The following EEA1 variants were observed in gnomAD, a reference collection of about 807,000 sequenced individuals.
The protein encoded by EEA1 is early endosome antigen 1, also known as early endosome antigen 1, 162kD.
In EEA1, 111 loss-of-function variants were observed where a neutral mutation model predicts 209.2. The ratio of observed to expected loss-of-function variants is 0.53; its 90% CI spans 0.45 to 0.62. EEA1 has a LOEUF of 0.62. Among genes scored for constraint, EEA1 ranks in the 20% least tolerant of loss-of-function variants. The pLI is 0.00. For synonymous variants in EEA1, 536 were observed against 540.6 expected (o/e 0.99, Z 0.12); for missense variants, 1,343 against 1,530.8 (o/e 0.88, Z 2.05).
At chr12:92,794,492 G>A (rs1257468563) in intron 21 of EEA1, among the ~76,000 whole-genome samples, 6 of 151,950 alleles carry the variant, frequency 3.9e-5, no homozygotes, top group African/African-American at 1.2e-4. Context: ...AATGTCCATC[G>A]ATGATAGACT....
intron 21 of EEA1, among the ~76,000 whole-genome samples, chr12:92,788,370 C>G (rs539534608): frequency 2.6e-5 from 4 of 151,620 alleles, no homozygotes; most frequent in African/African-American, 9.7e-5. Context: ...TGCTAGATGC[C>G]TCAGCTGACG....
intron 10 of EEA1, among the ~76,000 whole-genome samples, chr12:92,841,984 G>A (rs1448151199): frequency 6.6e-6 from 1 of 152,102 alleles, no homozygotes; most frequent in African/African-American, 2.4e-5. Flanking sequence ...GCAGATGAAT[G>A]AATAACATAT....
At chr12:92,896,035 G>C (rs1395270361) in intron 1 of EEA1, among the ~76,000 whole-genome samples, 1 of 150,928 alleles carries the variant, frequency 6.6e-6, no homozygotes, top group Non-Finnish European at 1.5e-5. Context: ...GTGCAGTGGT[G>C]TGATCTCAGC....
At chr12:92,891,808 A>T in intron 1 of EEA1, 87 bp from the exon 2 acceptor site, 3 of 906,884 alleles carry the variant, frequency 3.3e-6, no homozygotes, top group Non-Finnish European at 5.1e-6. Context: ...AAACCTTTTC[A>T]CATAAGAAAA....
intron 3 of EEA1, chr12:92,858,861 T>C: frequency 1.4e-6 from 1 of 732,886 alleles, no homozygotes; most frequent in Non-Finnish European, 2.5e-6. Context: ...GGGGTGATGC[T>C]GGTTTGTATG....
At chr12:92,865,094 C>CA (rs1878318263) in intron 2 of EEA1, 107 bp from the exon 3 acceptor site, 1 of 834,886 alleles carries the variant, frequency 1.2e-6, no homozygotes, top group Admixed American at 3.9e-5. Flanking sequence ...CCAATGGTGC[C>CA]ATTAGGTAAA....
At chr12:92,776,383 G>A (rs1352055500) in intron 28 of EEA1, among the ~76,000 whole-genome samples, 2 of 151,718 alleles carry the variant, frequency 1.3e-5, no homozygotes, top group Admixed American at 6.6e-5. Context: ...AAGAACCAGA[G>A]GAGGCATTTA....
intron 26 of EEA1, 110 bp downstream of exon 26, chr12:92,777,831 G>A: frequency 7.9e-7 from 1 of 1,264,242 alleles, no homozygotes; most frequent in South Asian, 1.5e-5. Context: ...AATACCTATA[G>A]AGGCTTATGC....
chr12:92,778,198 TG>T lies in EEA1; in HGVS notation c.3655-20del. On this transcript the variant is annotated intron_variant, in intron 25 of 28. Transcript: ENST00000322349. ...CGGAATGCTGAAAAAAAGGAAAAGT[TG>T]GGGGGAAATCTATTACAAAAGTAGT... 1 of 1,587,430 alleles carries T rather than the reference TG, an allele frequency of 6.3e-7. No individual in the cohort carries two copies. The highest frequency in any genetic ancestry group is 8.6e-7 in the Non-Finnish European group (1 of 1,159,816).
At position 92,800,281 on chromosome 12, in the gene EEA1, TTAC is replaced by T. The variant is rs373438733; in HGVS notation, c.2773-1198_2773-1196del. ...CTCATTTAGAGATCTGGGGCATATT[TTAC>T]TACTACCTTGTTTGTACAATCCACT... On this transcript the variant is annotated intron_variant, in intron 20 of 28. Transcript: ENST00000322349. 3.8e-3 allele frequency among the ~76,000 whole-genome samples: 579 copies of T among 152,300 alleles called. 5 individuals carry two copies. The highest frequency in any genetic ancestry group is 0.017 in the Middle Eastern group (5 of 294).
At chr12:92,836,845 G>A (rs528931387) in intron 10 of EEA1, among the ~76,000 whole-genome samples, 16 of 151,998 alleles carry the variant, frequency 1.1e-4, no homozygotes, top group Admixed American at 7.9e-4. Context: ...ACAACCAGCC[G>A]GGTGCAGTGG....
chr12:92,780,417 GA>G lies in EEA1; in HGVS notation c.3337-7del. On this transcript the variant is annotated splice_polypyrimidine_tract_variant and splice_region_variant and intron_variant, in intron 23 of 28. Coordinates refer to ENST00000322349, the MANE Select transcript of EEA1 (RefSeq NM_003566.4). ...AGTTCTTTTTCTTTCAGTGACTGTA[GA>G]AAAATGATATATTTTAAAATTATTT... is the stretch of plus-strand genomic sequence containing the variant. 6.8e-7 allele frequency: 1 copy of G among 1,481,126 alleles called. No individual in the cohort carries two copies. Among genetic ancestry groups the G allele is most frequent in the Admixed American group, 2.4e-5 (1 of 42,498 alleles). 91.7% of individuals were successfully genotyped at this position (1,481,126 alleles called of 1,614,324 possible). A position where few individuals can be genotyped will look rare whatever the true frequency, so the allele number is the denominator to read the frequency against.
chr12:92,795,966 T>C (rs1022226021), intron 21 of EEA1, among the ~76,000 whole-genome samples: 1 of 152,190 alleles, frequency 6.6e-6, no homozygotes, highest in African/African-American at 2.4e-5. Context: ...GGGCTTTCAA[T>C]ATTTTTCCTT....
At chr12:92,864,585 A>G (rs1352843290) in intron 3 of EEA1, among the ~76,000 whole-genome samples, 1 of 152,206 alleles carries the variant, frequency 6.6e-6, no homozygotes, top group Non-Finnish European at 1.5e-5. Flanking sequence ...TATTACACAC[A>G]ATATGCTAAA....
chr12:92,797,641 T>C (rs1033879165), intron 21 of EEA1, among the ~76,000 whole-genome samples: 2 of 152,220 alleles, frequency 1.3e-5, no homozygotes, highest in Admixed American at 6.5e-5. Context: ...TTTGTAAATA[T>C]TTGGATACAA....
At chr12:92,844,741 T>C (rs1201709664) in intron 9 of EEA1, among the ~76,000 whole-genome samples, 1 of 152,070 alleles carries the variant, frequency 6.6e-6, no homozygotes, top group Non-Finnish European at 1.5e-5. Context: ...AATATCACAT[T>C]TAAATCCCTA....
chr12:92,813,289 T>C (rs1442035999), intron 15 of EEA1, among the ~76,000 whole-genome samples, 196 bp from the exon 16 acceptor site: 1 of 152,174 alleles, frequency 6.6e-6, no homozygotes, highest in Admixed American at 6.6e-5. Context: ...CTCCTAATAA[T>C]GCTGGATAAA....
rs1341095268 is a variant in EEA1, at chr12:92,929,124, T to TCA, written c.-60_-59dup. ...CTCTCCAGACCCTGCGCGGGGCCACTCACTACTCGGGGTGCGCGGGCGGGA... is the reference window on the plus strand; with the variant it reads ...CTCTCCAGACCCTGCGCGGGGCCACTCACACTACTCGGGGTGCGCGGGCGGGA... On this transcript the variant is annotated 5_prime_UTR_variant, in exon 1 of 29. Transcript: ENST00000322349. 7.0e-7 allele frequency: 1 copy of TCA among 1,423,406 alleles called. No homozygotes were observed. The highest frequency in any genetic ancestry group is 9.7e-7 in the Non-Finnish European group (1 of 1,035,354). 88.2% of individuals were successfully genotyped at this position (1,423,406 alleles called of 1,614,324 possible).
At chr12:92,909,782 C>T (rs1229641868) in intron 1 of EEA1, among the ~76,000 whole-genome samples, 3 of 151,836 alleles carry the variant, frequency 2.0e-5, no homozygotes, top group South Asian at 2.1e-4. Flanking sequence ...TTTGGGAGGC[C>T]GAGGTAGGAG....
Sources: allele counts gnomAD v4.1 joint callset (sites outside exome capture counted in the v4.1 genomes callset), GRCh38; gene constraint gnomAD v4.1.1; transcripts MANE v1.5; gene names NCBI Gene and HGNC (gene_info 2026-07-23, HGNC 2026-07-21).